Variants in TASP1 observed in about 807,000 individuals in gnomAD.
The protein encoded by TASP1 is taspase 1, also known as threonine aspartase 1.
A neutral mutation model predicts 56.6 loss-of-function variants in TASP1; 16 were observed. The ratio of observed to expected loss-of-function variants is 0.28; its 90% confidence interval spans 0.19 to 0.43. TASP1 has a LOEUF of 0.43. TASP1 is among the 20% of genes least tolerant of loss of function. The pLI is 1.00. For synonymous variants in TASP1, 179 were observed against 184.2 expected, an observed-to-expected ratio of 0.97 and a Z score of 0.23; for missense variants, 393 against 511.6, an observed-to-expected ratio of 0.77 and a Z score of 2.24.
At position 13,417,431 on chromosome 20, in the gene TASP1, C is replaced by T. The variant is rs765584197; in HGVS notation, c.1170+17G>A. On this transcript the variant is annotated intron_variant, in intron 13 of 13. Transcript: ENST00000337743. ...GGCTACAAGGTTTTCAGGTTATGAC[C>T]GTTTTTTCCCACTTACCTTGGCTTT... 42 of 1,613,748 alleles carry T rather than the reference C, an allele frequency of 2.6e-5. No individual in the cohort carries two copies. In the East Asian group the frequency reaches 6.5e-4, roughly 25 times the overall value.
intron 12 of TASP1, among the ~76,000 whole-genome samples, chr20:13,431,505 G>C (rs1344047420): frequency 6.6e-6 from 1 of 152,054 alleles, no homozygotes; most frequent in Non-Finnish European, 1.5e-5. Flanking sequence ...ACATTATTTA[G>C]AATCAATCCC....
At chr20:13,350,965 TGAAA>T in the TASP1 span, among the ~76,000 whole-genome samples, 6 of 131,020 alleles carry the variant, frequency 4.6e-5, no homozygotes, top group Non-Finnish European at 7.9e-5. Flanking sequence ...CTTCCAAAAG[TGAAA>T]AAAAAAAAAA....
intron 13 of TASP1, among the ~76,000 whole-genome samples, chr20:13,413,645 T>G (rs1362350473): frequency 6.6e-6 from 1 of 152,168 alleles, no homozygotes; most frequent in Non-Finnish European, 1.5e-5. Flanking sequence ...TGATATTTTT[T>G]GAACTGCATC....
At chr20:13,606,165 T>C (rs2048143650) in intron 4 of TASP1, among the ~76,000 whole-genome samples, 1 of 151,910 alleles carries the variant, frequency 6.6e-6, no homozygotes, top group African/African-American at 2.4e-5. Context: ...GTAGATGCAT[T>C]ACATGTATGT....
the TASP1 span, among the ~76,000 whole-genome samples, chr20:13,381,606 T>A: frequency 6.6e-6 from 1 of 152,230 alleles, no homozygotes; most frequent in East Asian, 1.9e-4. Flanking sequence ...TTGCTTCTTT[T>A]TGGTGAACTA....
intron 10 of TASP1, among the ~76,000 whole-genome samples, chr20:13,523,128 G>C (rs529116630): frequency 2.6e-5 from 4 of 152,252 alleles, no homozygotes; most frequent in African/African-American, 9.6e-5. Flanking sequence ...TAAACCTTGA[G>C]TATAGAAAAT....
At chr20:13,328,118 A>C in the TASP1 span, among the ~76,000 whole-genome samples, 4 of 152,082 alleles carry the variant, frequency 2.6e-5, no homozygotes, top group East Asian at 7.7e-4. Context: ...AAGAAAAAAA[A>C]CCAAACAACC....
chr20:13,625,697 G>A (rs375983269), intron 2 of TASP1, among the ~76,000 whole-genome samples: 4 of 152,164 alleles, frequency 2.6e-5, no homozygotes, highest in African/African-American at 7.2e-5. Flanking sequence ...AAGCTGAATC[G>A]CTTCTGAATA....
chr20:13,311,243 T>TAGATGATAGATAGATAGATAGATA, the TASP1 span, among the ~76,000 whole-genome samples: 1 of 127,860 alleles, frequency 7.8e-6, no homozygotes, highest in Non-Finnish European at 1.7e-5. Flanking sequence ...GATAGATAGA[T>TAGATGATAGATAGATAGATAGATA]GATAGATAGA....
At chr20:13,554,864 G>A (rs953404961) in intron 8 of TASP1, among the ~76,000 whole-genome samples, 8 of 152,120 alleles carry the variant, frequency 5.3e-5, no homozygotes, top group Admixed American at 4.6e-4. Flanking sequence ...CAATGTTGAT[G>A]GCTGCTGACT....
chr20:13,345,114 T>A, the TASP1 span, among the ~76,000 whole-genome samples: 1 of 152,134 alleles, frequency 6.6e-6, no homozygotes, highest in African/African-American at 2.4e-5. Flanking sequence ...TGGTGTTTAT[T>A]TTCGTTCAAA....
intron 6 of TASP1, among the ~76,000 whole-genome samples, chr20:13,578,106 C>T (rs1174298370): frequency 6.6e-6 from 1 of 152,002 alleles, no homozygotes; most frequent in Non-Finnish European, 1.5e-5. Flanking sequence ...GTTTATGTTC[C>T]CATCAACAGC....
chr20:13,131,793 G>A, the TASP1 span, among the ~76,000 whole-genome samples: 1 of 152,074 alleles, frequency 6.6e-6, no homozygotes. Context: ...TTTTTAAAAA[G>A]GAGAAGAAAA....
chr20:13,428,070 G>C (rs1056930075), intron 12 of TASP1, among the ~76,000 whole-genome samples: 2 of 152,160 alleles, frequency 1.3e-5, no homozygotes, highest in African/African-American at 4.8e-5. Context: ...TAAACACACA[G>C]CCTCTTTTTA....
At chr20:13,538,284 A>G (rs923709048) in intron 8 of TASP1, among the ~76,000 whole-genome samples, 4 of 152,238 alleles carry the variant, frequency 2.6e-5, no homozygotes, top group East Asian at 1.9e-4. Context: ...GATTACAGGC[A>G]TGAGCCACCA....
chr20:13,482,446 T>C (rs1227419751), intron 11 of TASP1, among the ~76,000 whole-genome samples: 1 of 152,202 alleles, frequency 6.6e-6, no homozygotes, highest in Non-Finnish European at 1.5e-5. Context: ...CAGAAGAATG[T>C]CATTTGTATT....
chr20:13,112,483 A>C, the TASP1 span, among the ~76,000 whole-genome samples: 2 of 152,194 alleles, frequency 1.3e-5, no homozygotes, highest in Non-Finnish European at 2.9e-5. Context: ...GCCAGCCCCG[A>C]TTCAAAAGAA....
intron 7 of TASP1, among the ~76,000 whole-genome samples, chr20:13,565,192 G>A (rs1016678441): frequency 1.3e-5 from 2 of 152,060 alleles, no homozygotes; most frequent in Admixed American, 1.3e-4. Flanking sequence ...ACAACCACAT[G>A]CAAAGGAATG....
chr20:13,337,060 T>G, the TASP1 span, among the ~76,000 whole-genome samples: 1 of 152,218 alleles, frequency 6.6e-6, no homozygotes, highest in Non-Finnish European at 1.5e-5. Context: ...GATGTATGAA[T>G]AGAGGCACCA....
Sources: allele counts gnomAD v4.1 joint callset (sites outside exome capture counted in the v4.1 genomes callset), GRCh38; gene constraint gnomAD v4.1.1; transcripts MANE v1.5; gene names NCBI Gene and HGNC (gene_info 2026-07-23, HGNC 2026-07-21).